Variants in RNF130 observed in about 807,000 individuals in gnomAD.
RNF130 encodes E3 ubiquitin-protein ligase RNF130.
Under a neutral mutation model 44.6 loss-of-function variants are expected in RNF130, and 21 were observed. The ratio of observed to expected loss-of-function variants is 0.47; its 90% CI spans 0.33 to 0.68. The LOEUF is 0.68. Ranked by LOEUF, RNF130 falls within the 30% of genes least tolerant of loss-of-function variation. The pLI, the probability that RNF130 is intolerant of heterozygous loss-of-function variation, is 0.02. For missense variants in RNF130, 479 were observed against 560.6 expected, an observed-to-expected ratio of 0.85 and a Z score of 1.47; for synonymous variants, 214 against 210.4, an observed-to-expected ratio of 1.02 and a Z score of -0.15.
At chr5:179,945,486 C>G (rs1762023308) in intron 7 of RNF130, among the ~76,000 whole-genome samples, 1 of 152,212 alleles carries the variant, frequency 6.6e-6, no homozygotes, top group Admixed American at 6.5e-5. Flanking sequence ...ACGCCGGGTA[C>G]TTTCACACAC....
chr5:179,951,140 C>T (rs561490895), downstream of RNF130, among the ~76,000 whole-genome samples: 66 of 152,288 alleles, frequency 4.3e-4, no homozygotes, highest in Non-Finnish European at 8.5e-4. Flanking sequence ...GTATGAATAA[C>T]CAGTGCAGCT....
At chr5:180,046,415 C>T (rs1212992674) in intron 1 of RNF130, among the ~76,000 whole-genome samples, 1 of 152,010 alleles carries the variant, frequency 6.6e-6, no homozygotes, top group Non-Finnish European at 1.5e-5. Context: ...AAACTCTCCT[C>T]CTCTTTGATT....
intron 1 of RNF130, among the ~76,000 whole-genome samples, chr5:180,063,516 G>A (rs1007811399): frequency 6.6e-6 from 1 of 152,192 alleles, no homozygotes; most frequent in African/African-American, 2.4e-5. Flanking sequence ...ATTTGGAGAT[G>A]TCTTTGTGAC....
intron 7 of RNF130, among the ~76,000 whole-genome samples, chr5:179,934,699 C>T (rs1761864277): frequency 6.6e-6 from 1 of 151,880 alleles, no homozygotes; most frequent in South Asian, 2.1e-4. Flanking sequence ...TGCGCCACCA[C>T]ATCCGGCTAC....
chr5:179,995,397 G>A (rs1279298585), intron 3 of RNF130, among the ~76,000 whole-genome samples: 1 of 152,116 alleles, frequency 6.6e-6, no homozygotes, highest in Non-Finnish European at 1.5e-5. Flanking sequence ...GGAGGCCCAA[G>A]CTGTACTCAT....
chr5:179,986,516 C>T (rs999609526), intron 3 of RNF130, among the ~76,000 whole-genome samples: 3 of 152,166 alleles, frequency 2.0e-5, no homozygotes, highest in Non-Finnish European at 2.9e-5. Context: ...AATAATCAAC[C>T]TAATGGAGGG....
chr5:180,051,688 C>T (rs1764691315), intron 1 of RNF130, among the ~76,000 whole-genome samples: 1 of 152,180 alleles, frequency 6.6e-6, no homozygotes, highest in Non-Finnish European at 1.5e-5. Flanking sequence ...GTCTGCTGAA[C>T]TTAGTTACTG....
At chr5:180,013,744 T>A (rs1000026670) in intron 2 of RNF130, among the ~76,000 whole-genome samples, 1 of 152,118 alleles carries the variant, frequency 6.6e-6, no homozygotes, top group Non-Finnish European at 1.5e-5. Context: ...AGAAATGGAG[T>A]AAAGTGCTGT....
At chr5:180,051,156 T>A (rs971276351) in intron 1 of RNF130, among the ~76,000 whole-genome samples, 4 of 152,160 alleles carry the variant, frequency 2.6e-5, no homozygotes, top group African/African-American at 9.7e-5. Context: ...TTTCTCCTAA[T>A]TGACAATTCT....
chr5:179,926,256 C>A (rs1761706272), intron 7 of RNF130, among the ~76,000 whole-genome samples: 1 of 152,212 alleles, frequency 6.6e-6, no homozygotes, highest in Non-Finnish European at 1.5e-5. Context: ...ATTCATGTGC[C>A]CGACTACAGC....
chr5:180,041,297 A>G (rs1171292567), intron 1 of RNF130, among the ~76,000 whole-genome samples: 1 of 152,216 alleles, frequency 6.6e-6, no homozygotes, highest in Admixed American at 6.5e-5. Context: ...TATGTTAGCA[A>G]AAGTCACCCC....
intron 2 of RNF130, among the ~76,000 whole-genome samples, chr5:180,039,729 G>A (rs1488759294): frequency 1.3e-5 from 2 of 152,182 alleles, no homozygotes; most frequent in Non-Finnish European, 1.5e-5. Flanking sequence ...TCTCATGAAT[G>A]CAAAACTAAA....
intron 1 of RNF130, among the ~76,000 whole-genome samples, chr5:180,055,820 A>T (rs1490767461): frequency 2.6e-5 from 4 of 152,190 alleles, no homozygotes; most frequent in African/African-American, 9.7e-5. Context: ...TGCGTGGCTC[A>T]TGGCTGTAAT....
exon 8 of RNF130, chr5:179,918,599 CCTG>C (rs1379918857): frequency 1.3e-5 from 2 of 152,168 alleles, no homozygotes; most frequent in African/African-American, 2.4e-5. Context: ...AATGGGGAAA[CCTG>C]CTTTTCTGAA....
intron 6 of RNF130, among the ~76,000 whole-genome samples, chr5:179,968,483 T>A (rs543394372): frequency 2.5e-4 from 38 of 151,142 alleles, no homozygotes; most frequent in East Asian, 1.8e-3. Flanking sequence ...CTGGCCAACA[T>A]GGGGAAACCC....
intron 3 of RNF130, among the ~76,000 whole-genome samples, chr5:179,993,750 T>G (rs1214094207): frequency 1.3e-5 from 2 of 152,258 alleles, no homozygotes; most frequent in East Asian, 1.9e-4. Context: ...TTTGTCAATT[T>G]TGGCTTTTGT....
At chr5:179,919,237 T>C (rs1220459743) in exon 8 of RNF130, 1 of 152,268 alleles carries the variant, frequency 6.6e-6, no homozygotes, top group East Asian at 1.9e-4. Flanking sequence ...TCATCCCAGG[T>C]GTGTGGGAAG....
At chr5:179,946,660 T>G (rs1270390534) in intron 7 of RNF130, among the ~76,000 whole-genome samples, 2 of 151,746 alleles carry the variant, frequency 1.3e-5, no homozygotes, top group Non-Finnish European at 2.9e-5. Flanking sequence ...TTCACGCCAT[T>G]CTCCTGCCTC....
intron 2 of RNF130, among the ~76,000 whole-genome samples, chr5:180,020,089 G>T (rs1454183934): frequency 1.3e-5 from 2 of 152,150 alleles, no homozygotes; most frequent in African/African-American, 4.8e-5. Flanking sequence ...AGAGGCACTG[G>T]TCAGGACACA....
Sources: gnomAD v4.1 joint callset for allele counts (sites outside exome capture counted in the v4.1 genomes callset) on GRCh38, gnomAD v4.1.1 for gene constraint, MANE v1.5 for transcripts, NCBI Gene and HGNC (gene_info 2026-07-23, HGNC 2026-07-21) for gene names.